Variants in ADAMTS2 observed in about 807,000 individuals in gnomAD.
ADAMTS2 encodes A disintegrin and metalloproteinase with thrombospondin motifs 2.
In ADAMTS2, 50 loss-of-function variants were observed where a neutral mutation model predicts 123.0. The ratio of observed to expected loss-of-function variants is 0.41; its 90% CI spans 0.32 to 0.51. The LOEUF is 0.51. Among genes scored for constraint, ADAMTS2 ranks in the 20% least tolerant of loss-of-function variants. The pLI, the probability that ADAMTS2 is intolerant of heterozygous loss-of-function variation, is 0.35. For synonymous variants in ADAMTS2, 678 were observed against 695.4 expected, an observed-to-expected ratio of 0.98 and a Z score of 0.39; for missense variants, 1,494 against 1,705.2, an observed-to-expected ratio of 0.88 and a Z score of 2.18.
chr5:179,297,325 G>A (rs540319582), intron 2 of ADAMTS2, among the ~76,000 whole-genome samples: 2 of 152,180 alleles, frequency 1.3e-5, no homozygotes, highest in African/African-American at 4.8e-5. Context: ...AATTGATCCC[G>A]GCCTCCCCTG....
At chr5:179,204,804 G>C (rs541707146) in intron 4 of ADAMTS2, among the ~76,000 whole-genome samples, 41 of 152,234 alleles carry the variant, frequency 2.7e-4, no homozygotes, top group African/African-American at 9.1e-4. Flanking sequence ...CTGACCCTCC[G>C]CCGCCGGTCT....
At chr5:179,217,598 C>A (rs1765010773) in intron 3 of ADAMTS2, among the ~76,000 whole-genome samples, 1 of 152,194 alleles carries the variant, frequency 6.6e-6, no homozygotes, top group African/African-American at 2.4e-5. Flanking sequence ...AGCGAGGCAC[C>A]TTTTTATCAT....
rs930825818 is a variant in ADAMTS2 at position 179,228,114 on chromosome 5, C to A, written c.689-20399G>T. On this transcript the variant is annotated intron_variant, in intron 3 of 21. Transcript: ENST00000251582. This position sits in a 1 kb window ranked among gnomAD's most constrained non-coding sequence, Gnocchi z 5.2. ...CTGTGGGGACACAAGGACAGACACC[C>A]ATGAGACACTCAGGCAGGAGTGGTC... Among the ~76,000 whole-genome samples the A allele has an allele frequency of 2.6e-5, 4 of 152,134 alleles. No individual in the cohort carries two copies. The highest frequency in any genetic ancestry group is 9.7e-5 in the African/African-American group (4 of 41,444).
chr5:179,143,055 A>C (rs1314600504), intron 10 of ADAMTS2, among the ~76,000 whole-genome samples: 3 of 152,228 alleles, frequency 2.0e-5, no homozygotes, highest in Non-Finnish European at 4.4e-5. Flanking sequence ...ACAAAAGGAA[A>C]TCATGTCTAA....
chr5:179,250,495 G>A (rs991763300), intron 3 of ADAMTS2, among the ~76,000 whole-genome samples: 3 of 152,130 alleles, frequency 2.0e-5, no homozygotes, highest in African/African-American at 7.2e-5. Context: ...AAAAATTATG[G>A]AATTATGCGC....
At chr5:179,267,948 C>T (rs1046701638) in intron 3 of ADAMTS2, among the ~76,000 whole-genome samples, 3 of 152,204 alleles carry the variant, frequency 2.0e-5, no homozygotes, top group Non-Finnish European at 2.9e-5. Context: ...GGCTGTCTCT[C>T]GTACCCGGGT....
intron 5 of ADAMTS2, among the ~76,000 whole-genome samples, chr5:179,169,259 G>A (rs1375178593): frequency 1.3e-5 from 2 of 152,240 alleles, no homozygotes; most frequent in South Asian, 2.1e-4. Context: ...CGAGGGCACA[G>A]CTAGAAGGTG....
At position 179,175,260 on chromosome 5, in the gene ADAMTS2, A is replaced by G. The variant is rs975470545; in HGVS notation, c.975+5812T>C. Among the ~76,000 whole-genome samples the G allele has an allele frequency of 6.6e-6, 1 of 150,650 alleles. No individual in the cohort carries two copies. Among genetic ancestry groups the G allele is most frequent in the Admixed American group, 6.6e-5 (1 of 15,142 alleles). ...CTGTCTCAGCCATGCTTGACCGTTC[A>G]TGTTCCTTTGGAGGATGTCTCTTCC... On this transcript the variant is annotated intron_variant, in intron 5 of 21. Transcript: ENST00000251582. This position sits in a 1 kb window ranked among gnomAD's most constrained non-coding sequence, Gnocchi z 4.1.
In ADAMTS2 at chr5:179,271,408, C is replaced by A. The variant is rs141802850; in HGVS notation, c.688+1503G>T. ...CAAGCCCACAGCACAAGTGACCAGC[C>A]CCTGAGCTCTCGGGGACACAGGGGT... On this transcript the variant is annotated intron_variant, in intron 3 of 21. Coordinates refer to ENST00000251582, the MANE Select transcript of ADAMTS2 (RefSeq NM_014244.5). Among the ~76,000 whole-genome samples, 1,109 of 152,318 alleles carry A rather than the reference C, an allele frequency of 7.3e-3. 6 individuals are homozygous for A. The highest frequency in any genetic ancestry group is 0.01 in the Middle Eastern group (3 of 294).
chr5:179,130,023 A>G lies in ADAMTS2; in HGVS notation c.2366T>C (p.Ile789Thr). 1 of 1,614,112 alleles carries G rather than the reference A, an allele frequency of 6.2e-7. No individual in the cohort carries two copies. The highest frequency in any genetic ancestry group is 8.5e-7 in the Non-Finnish European group (1 of 1,180,022). The change falls in exon 16 of 22, where the codon ATT becomes ACT. Residue 789 changes from isoleucine (I) to threonine (T), a missense_variant. Physicochemically the swap from Ile to Thr is moderately conservative, Grantham distance 89 (BLOSUM62 -1). Around this residue, in one of 6 missense-constraint regions of ADAMTS2, gnomAD observed 953 missense variants for 1,124.7 expected, o/e 0.85. Transcript: ENST00000251582. The surrounding 1 kb of genome is among the most constrained non-coding windows in gnomAD (Gnocchi z 4.3). The stretch of plus-strand genomic sequence containing the variant: ...GTACTCCCACTCCACGCCCATGGCA[A>G]TGAAGGTTTTGGAACTGGCATCCAC... ...NDVDASSKTF[I>T]AMGVEWEYRD...
chr5:179,117,038 A>T lies in ADAMTS2; in HGVS notation c.3179-2714T>A, dbSNP rs1198494923. Among the ~76,000 whole-genome samples the T allele has an allele frequency of 6.6e-6, 1 of 152,184 alleles. No homozygotes were observed. The highest frequency in any genetic ancestry group is 1.5e-5 in the Non-Finnish European group (1 of 68,030). ...GAAACTGGCAGAAGGCTTTTCTCAG[A>T]TAAAAATCTTACACAGGTGCCCAAT... On this transcript the variant is annotated intron_variant, in intron 21 of 21. Coordinates refer to ENST00000251582, the MANE Select transcript of ADAMTS2 (RefSeq NM_014244.5). This position sits in a 1 kb window ranked among gnomAD's most constrained non-coding sequence, Gnocchi z 4.2.
chr5:179,184,509 TAAA>T lies in ADAMTS2; in HGVS notation c.892-3357_892-3355del, dbSNP rs554713153. Among the ~76,000 whole-genome samples, 135 of 91,400 alleles carry T rather than the reference TAAA, an allele frequency of 1.5e-3. No homozygotes were observed. The South Asian group carries it at 0.023, about 16-fold the overall frequency. The allele number at this position is 91,400 out of a possible 152,430, so 60.0% of individuals were successfully genotyped here. A position where few individuals can be genotyped will look rare whatever the true frequency, so the allele number is the denominator to read the frequency against. On this transcript the variant is annotated intron_variant, in intron 4 of 21. Coordinates refer to ENST00000251582, the MANE Select transcript of ADAMTS2 (RefSeq NM_014244.5). Reference sequence around the variant, plus strand: ...CTGGGAGACAGAGCAAGACTCTGTCTAAAAAAAAAAAAAAAAAAAAAAGAATGA... The same window carrying T: ...CTGGGAGACAGAGCAAGACTCTGTCTAAAAAAAAAAAAAAAAAAAGAATGA...
At chr5:179,318,800 G>C (rs1337125600) in intron 2 of ADAMTS2, among the ~76,000 whole-genome samples, 1 of 151,416 alleles carries the variant, frequency 6.6e-6, no homozygotes, top group Non-Finnish European at 1.5e-5. Flanking sequence ...GAGACGTTGG[G>C]GCCTGGCCTC....
At position 179,113,696 on chromosome 5, in the gene ADAMTS2, A is replaced by T; in HGVS notation, c.*171T>A. On this transcript the variant is annotated 3_prime_UTR_variant, in exon 22 of 22. Transcript: ENST00000251582. Reference sequence around the variant, plus strand: ...GGCTGGGAAGCACACGTGCTAACCTAGTTACCACATGCTCATGCCTATCTT... The same window carrying T: ...GGCTGGGAAGCACACGTGCTAACCTTGTTACCACATGCTCATGCCTATCTT... The T allele has an allele frequency of 1.4e-6, 1 of 704,264 alleles. No individual in the cohort carries two copies. The highest frequency in any genetic ancestry group is 2.4e-6 in the Non-Finnish European group (1 of 411,492). 43.6% of individuals were successfully genotyped at this position (704,264 alleles called of 1,614,324 possible). A position where few individuals can be genotyped will look rare whatever the true frequency, so the allele number is the denominator to read the frequency against.
At position 179,264,015 on chromosome 5, in the gene ADAMTS2, G is replaced by A. The variant is rs572849666; in HGVS notation, c.688+8896C>T. On this transcript the variant is annotated intron_variant, in intron 3 of 21. Coordinates refer to ENST00000251582, the MANE Select transcript of ADAMTS2 (RefSeq NM_014244.5). The stretch of plus-strand genomic sequence containing the variant: ...ATGGGGCCTGTGGTCAGAGGCCTCC[G>A]GCTGGCACAAACTGGCAGAGTTTGG... Among the ~76,000 whole-genome samples, 36 of 152,294 alleles carry A rather than the reference G, an allele frequency of 2.4e-4. No individual in the cohort carries two copies. The South Asian group carries it at 3.5e-3, about 15-fold the overall frequency.
At chr5:179,231,011 A>G (rs1765400666) in intron 3 of ADAMTS2, among the ~76,000 whole-genome samples, 1 of 146,520 alleles carries the variant, frequency 6.8e-6, no homozygotes, top group African/African-American at 2.5e-5. Context: ...ACTCAGTCTC[A>G]AAAAAAAAAA....
intron 2 of ADAMTS2, among the ~76,000 whole-genome samples, chr5:179,283,549 C>CAAAAAAAAAAAAAAAAAAAAAAAAAGAAA (rs3986816): frequency 1.9e-5 from 1 of 51,344 alleles, no homozygotes; most frequent in Non-Finnish European, 3.4e-5. Flanking sequence ...AGAAAAACAG[C>CAAAAAAAAAAAAAAAAAAAAAAAAAGAAA]AAAAAAAAAA....
chr5:179,227,990 G>A (rs1765325689), intron 3 of ADAMTS2, among the ~76,000 whole-genome samples: 1 of 152,132 alleles, frequency 6.6e-6, no homozygotes, highest in Non-Finnish European at 1.5e-5. Context: ...TCTGACCTGG[G>A]CAACCGGTCA....
Position 179,113,313 on chromosome 5 carries a change from AGGGCGG to A in ADAMTS2, c.*548_*553del. Reference sequence around the variant, plus strand: ...TCAGCTCCAGGTGGGTGTGGCTGTCAGGGCGGCCATGGTCCCCAGCGGGCCACTACG... The same window carrying A: ...TCAGCTCCAGGTGGGTGTGGCTGTCACCATGGTCCCCAGCGGGCCACTACG... On this transcript the variant is annotated 3_prime_UTR_variant, in exon 22 of 22. Coordinates refer to ENST00000251582, the MANE Select transcript of ADAMTS2 (RefSeq NM_014244.5). The A allele has an allele frequency of 6.1e-6, 1 of 165,052 alleles. No homozygotes were observed. Among genetic ancestry groups the A allele is most frequent in the South Asian group, 1.6e-4 (1 of 6,360 alleles). The allele number at this position is 165,052 out of a possible 1,614,324, so 10.2% of individuals were successfully genotyped here.
Sources: gnomAD v4.1 joint callset for allele counts (sites outside exome capture counted in the v4.1 genomes callset) on GRCh38, gnomAD v4.1.1 for gene constraint, gnomAD v4.1.1 regional missense constraint, Gnocchi (gnomAD v3.1) non-coding constraint, MANE v1.5 for transcripts, NCBI Gene and HGNC (gene_info 2026-07-23, HGNC 2026-07-21) for gene names.